The following LONRF1 variants were observed in gnomAD, a reference collection of about 807,000 sequenced individuals.
LONRF1 encodes LON peptidase N-terminal domain and ring finger 1, also known as LON peptidase N-terminal domain and RING finger protein 1.
A neutral mutation model predicts 85.8 loss-of-function variants in LONRF1; 37 were observed. The ratio of observed to expected loss-of-function variants is 0.43; its 90% confidence interval spans 0.33 to 0.57. The LOEUF (loss-of-function observed/expected upper bound fraction) is 0.57, where lower values mean the gene tolerates loss of function less well. LONRF1 is among the 20% of genes least tolerant of loss of function. LONRF1 has a pLI of 0.04. For missense variants in LONRF1, 1,036 were observed against 978.0 expected (o/e 1.06, Z -0.79); for synonymous variants, 517 against 390.1 (o/e 1.33, Z -3.83).
intron 2 of LONRF1, 59 bp downstream of exon 2, chr8:12,743,105 T>A: frequency 9.6e-7 from 1 of 1,040,658 alleles, no homozygotes; most frequent in Non-Finnish European, 1.5e-6. Context: ...TGTGAATGAA[T>A]GCATGTCCCT....
chr8:12,745,321 GAAAAAAAAAAAAAA>G (rs36196945), intron 1 of LONRF1, among the ~76,000 whole-genome samples: 1 of 122,334 alleles, frequency 8.2e-6, no homozygotes, highest in Non-Finnish European at 1.7e-5. Flanking sequence ...TATTTTTTTG[GAAAAAAAAAAAAAA>G]AAAAAAAAAA....
chr8:12,728,719 T>C (rs1168212701), intron 10 of LONRF1, among the ~76,000 whole-genome samples, 182 bp downstream of exon 10: 1 of 152,230 alleles, frequency 6.6e-6, no homozygotes, highest in Non-Finnish European at 1.5e-5. Flanking sequence ...CCAAGTTCTC[T>C]TAGAATGTGC....
intron 10 of LONRF1, among the ~76,000 whole-genome samples, chr8:12,726,330 G>C (rs1033246247): frequency 6.6e-6 from 1 of 151,634 alleles, no homozygotes; most frequent in Non-Finnish European, 1.5e-5. Flanking sequence ...GTAACAGGAG[G>C]AGTCCAGGCA....
At chr8:12,740,639 T>C (rs1021135416) in intron 3 of LONRF1, among the ~76,000 whole-genome samples, 1 of 152,168 alleles carries the variant, frequency 6.6e-6, no homozygotes, top group Non-Finnish European at 1.5e-5. Context: ...AACAAACTAT[T>C]AGAATACTAA....
chr8:12,737,184 T>A, intron 4 of LONRF1, 44 bp from the exon 5 acceptor site: 1 of 1,590,498 alleles, frequency 6.3e-7, no homozygotes, highest in Non-Finnish European at 8.6e-7. Context: ...TTCTTTACTA[T>A]CCTTTATTCC....
rs1799243167 is a variant in LONRF1 at position 12,748,253 on chromosome 8, G to A, written c.722-4971C>T. Among the ~76,000 whole-genome samples, 6 of 152,298 alleles carry A rather than the reference G, an allele frequency of 3.9e-5. No individual in the cohort carries two copies. The South Asian group carries it at 1.0e-3, about 26-fold the overall frequency. On this transcript the variant is annotated intron_variant, in intron 1 of 11. Coordinates refer to ENST00000398246, the MANE Select transcript of LONRF1 (RefSeq NM_152271.5). ...AAGATCTCACTCTGTAGCCCAGGCT[G>A]GAGTGCAGTGGCATTAACATGGCTC...
intron 1 of LONRF1, among the ~76,000 whole-genome samples, chr8:12,748,698 C>T (rs1050995030): frequency 6.6e-6 from 1 of 152,038 alleles, no homozygotes; most frequent in African/African-American, 2.4e-5. Flanking sequence ...AGTATTTGGG[C>T]TGTGTATAAA....
intron 4 of LONRF1, among the ~76,000 whole-genome samples, chr8:12,737,511 C>T (rs1798766885): frequency 6.6e-6 from 1 of 152,018 alleles, no homozygotes; most frequent in Non-Finnish European, 1.5e-5. Context: ...TTTAAGTATA[C>T]AGGAGGATGT....
chr8:12,747,345 A>C (rs1799202722), intron 1 of LONRF1, among the ~76,000 whole-genome samples: 1 of 152,194 alleles, frequency 6.6e-6, no homozygotes, highest in Non-Finnish European at 1.5e-5. Flanking sequence ...ACAGGTCTTA[A>C]AGTTGTTTCT....
rs1554469361 is a variant in LONRF1 at position 12,751,302 on chromosome 8, T to TTTTTTTTTGTTTTTG, written c.721+3397_721+3398insCAAAAACAAAAAAAA. The stretch of plus-strand genomic sequence containing the variant: ...ATTATATTTTTATTTTTATGTTTTT[T>TTTTTTTTTGTTTTTG]TTTTTTTTTTTTTTTTTTGAGACTG... On this transcript the variant is annotated intron_variant, in intron 1 of 11. Transcript: ENST00000398246. 2.7e-3 allele frequency among the ~76,000 whole-genome samples: 261 copies of TTTTTTTTTGTTTTTG among 96,568 alleles called. 4 individuals carry two copies. Among genetic ancestry groups the TTTTTTTTTGTTTTTG allele is most frequent in the African/African-American group, 7.1e-3 (227 of 31,910 alleles). The allele number at this position is 96,568 out of a possible 152,430, so 63.4% of individuals were successfully genotyped here.
intron 10 of LONRF1, 99 bp from the exon 11 acceptor site, chr8:12,725,978 G>A: frequency 9.3e-7 from 1 of 1,070,782 alleles, no homozygotes; most frequent in Non-Finnish European, 1.4e-6. Context: ...GAAGAACAGG[G>A]CAATACCTGT....
chr8:12,735,008 T>C (rs1798664701), intron 7 of LONRF1, among the ~76,000 whole-genome samples: 1 of 151,870 alleles, frequency 6.6e-6, no homozygotes, highest in Admixed American at 6.6e-5. Context: ...ATTGAACTTA[T>C]CCCTGACCAG....
chr8:12,754,140 C>T (rs1389031274), intron 1 of LONRF1: 1 of 152,216 alleles, frequency 6.6e-6, no homozygotes, highest in Non-Finnish European at 1.5e-5. Flanking sequence ...ACAACGCCCC[C>T]CGCCCCCAGC....
chr8:12,735,655 C>A (rs1379898902), intron 6 of LONRF1: 1 of 372,724 alleles, frequency 2.7e-6, no homozygotes, highest in Non-Finnish European at 4.9e-6. Context: ...CGCAACAGCC[C>A]CTGGACACTA....
intron 3 of LONRF1, among the ~76,000 whole-genome samples, chr8:12,739,028 G>C (rs960985674): frequency 2.0e-5 from 3 of 152,016 alleles, no homozygotes; most frequent in Admixed American, 6.6e-5. Context: ...CATTTAATAA[G>C]CAAACATTTA....
intron 10 of LONRF1, 54 bp from the exon 11 acceptor site, chr8:12,725,933 C>T: frequency 4.6e-6 from 7 of 1,525,946 alleles, no homozygotes. Context: ...GTCCATATGC[C>T]ATATGCCAAC....
chr8:12,737,319 G>A lies in LONRF1; in HGVS notation c.1114-179C>T, dbSNP rs745577527. ...TAAATGATTTTTGCCAGCACAGTTG[G>A]CCCTCCGTATCCACAGGCTCTGCAT... On this transcript the variant is annotated intron_variant, in intron 4 of 11. Transcript: ENST00000398246. The A allele has an allele frequency of 3.6e-5, 28 of 777,292 alleles. No homozygotes were observed. In the East Asian group the frequency reaches 4.3e-4, roughly 12 times the overall value. 48.1% of individuals were successfully genotyped at this position (777,292 alleles called of 1,614,324 possible).
chr8:12,736,112 G>A (rs1361794098), intron 6 of LONRF1, among the ~76,000 whole-genome samples: 1 of 152,074 alleles, frequency 6.6e-6, no homozygotes, highest in African/African-American at 2.4e-5. Flanking sequence ...GCTCAGGAAT[G>A]TAACTGCTAC....
chr8:12,735,570 T>G, intron 6 of LONRF1, 170 bp from the exon 7 acceptor site: 1 of 566,618 alleles, frequency 1.8e-6, no homozygotes, highest in Non-Finnish European at 3.1e-6. Flanking sequence ...CCCTCCAGAA[T>G]GTTTTAAAAT....
Sources: gnomAD v4.1 joint callset for allele counts (sites outside exome capture counted in the v4.1 genomes callset) on GRCh38, gnomAD v4.1.1 for gene constraint, MANE v1.5 for transcripts, NCBI Gene and HGNC (gene_info 2026-07-23, HGNC 2026-07-21) for gene names.